Variants in AFF1 observed in about 807,000 individuals in gnomAD.
The protein encoded by AFF1 is ALF transcription elongation factor 1, also known as AF4/FMR2 family member 1.
A neutral mutation model predicts 121.7 loss-of-function variants in AFF1; 48 were observed. The ratio of observed to expected loss-of-function variants is 0.39; its 90% CI spans 0.31 to 0.50. The LOEUF (loss-of-function observed/expected upper bound fraction) is 0.50, where lower values mean the gene tolerates loss of function less well. AFF1 is among the 20% of genes least tolerant of loss of function. AFF1 has a pLI of 0.76. For missense variants in AFF1, 1,523 were observed against 1,511.7 expected (o/e 1.01, Z -0.12); for synonymous variants, 613 against 563.0 (o/e 1.09, Z -1.26).
chr4:86,947,553 A>T lies in AFF1; in HGVS notation c.-36-945A>T, dbSNP rs550965116. 1.0e-3 allele frequency among the ~76,000 whole-genome samples: 159 copies of T among 152,348 alleles called. 2 individuals are homozygous for T. Among genetic ancestry groups the T allele is most frequent in the Non-Finnish European group, 2.5e-4 (17 of 68,026 alleles). ...CAGTCTGTACTAAGATAATTTAGTA[A>T]CATACCTTTCTTTGCCTTAAGGATG... On this transcript the variant is annotated intron_variant, in intron 1 of 20. Coordinates refer to ENST00000395146, the MANE Select transcript of AFF1 (RefSeq NM_001166693.3).
chr4:87,051,197 T>C (rs1342393740), intron 4 of AFF1, among the ~76,000 whole-genome samples: 2 of 152,164 alleles, frequency 1.3e-5, no homozygotes, highest in Non-Finnish European at 2.9e-5. Flanking sequence ...GTAGTTAATA[T>C]CAGAGCCAGA....
At chr4:87,084,234 C>G (rs372952591) in intron 5 of AFF1, 70 bp downstream of exon 5, 262 of 1,523,288 alleles carry the variant, frequency 1.7e-4, no homozygotes, top group Non-Finnish European at 2.3e-4. Flanking sequence ...CATTTACTTT[C>G]ACTTTAAAGA....
intron 5 of AFF1, among the ~76,000 whole-genome samples, chr4:87,084,601 TAAA>T (rs908689990): frequency 2.1e-4 from 23 of 112,176 alleles, no homozygotes; most frequent in African/African-American, 3.8e-4. Context: ...AATAAATAAA[TAAA>T]AAATAAAGAA....
At chr4:87,060,414 T>C (rs1010050111) in intron 4 of AFF1, among the ~76,000 whole-genome samples, 2 of 152,100 alleles carry the variant, frequency 1.3e-5, no homozygotes, top group African/African-American at 4.8e-5. Context: ...GCTGTTAATC[T>C]AGAAAAGGAT....
At chr4:87,042,340 A>G (rs1730244746) in intron 2 of AFF1, among the ~76,000 whole-genome samples, 1 of 152,236 alleles carries the variant, frequency 6.6e-6, no homozygotes, top group Admixed American at 6.5e-5. Context: ...TGTGACTGGC[A>G]AAACAATTTA....
intron 20 of AFF1, among the ~76,000 whole-genome samples, chr4:87,135,154 T>C (rs556844577): frequency 6.6e-6 from 1 of 152,338 alleles, no homozygotes; most frequent in South Asian, 2.1e-4. Flanking sequence ...GTAAACATTA[T>C]TGAGACTTGT....
intron 2 of AFF1, among the ~76,000 whole-genome samples, chr4:87,042,157 A>G (rs1730230185): frequency 6.6e-6 from 1 of 152,194 alleles, no homozygotes; most frequent in South Asian, 2.1e-4. Context: ...TAGGCTCAAC[A>G]AAGGTTTACT....
intron 2 of AFF1, chr4:87,020,926 T>C (rs765044563): frequency 1.0e-5 from 8 of 793,006 alleles, no homozygotes; most frequent in Non-Finnish European, 1.2e-5. Flanking sequence ...ATGTGTATCT[T>C]TTAATATATT....
intron 2 of AFF1, among the ~76,000 whole-genome samples, chr4:86,988,653 G>A (rs1724477012): frequency 6.6e-6 from 1 of 152,142 alleles, no homozygotes; most frequent in Non-Finnish European, 1.5e-5. Flanking sequence ...TCCCCATCAA[G>A]CTACCATCAG....
chr4:87,091,667 T>A, intron 6 of AFF1, 126 bp from the exon 7 acceptor site: 1 of 652,108 alleles, frequency 1.5e-6, no homozygotes, highest in East Asian at 3.0e-5. Context: ...CTACACTGTT[T>A]CCATTTTTCT....
chr4:87,108,030 A>C (rs1250605129), intron 10 of AFF1, 129 bp from the exon 11 acceptor site: 4 of 936,262 alleles, frequency 4.3e-6, no homozygotes, highest in Non-Finnish European at 6.1e-6. Context: ...CAGTTGGATG[A>C]CATGATAGTT....
At position 86,950,182 on chromosome 4, in the gene AFF1, A is replaced by G. The variant is rs1721204795; in HGVS notation, c.38+1611A>G. 8 of 1,409,742 alleles carry G rather than the reference A, an allele frequency of 5.7e-6. No homozygotes were observed. The South Asian group carries it at 5.8e-5, about 10-fold the overall frequency. 87.3% of individuals were successfully genotyped at this position (1,409,742 alleles called of 1,614,324 possible). A position where few individuals can be genotyped will look rare whatever the true frequency, so the allele number is the denominator to read the frequency against. On this transcript the variant is annotated intron_variant, in intron 2 of 20. Coordinates refer to ENST00000395146, the MANE Select transcript of AFF1 (RefSeq NM_001166693.3). ...TGCTGCCCATGTCTCATCCCGAGGT[A>G]TTATTATTTTTTTAAGACAAAGTTT...
intron 4 of AFF1, among the ~76,000 whole-genome samples, chr4:87,060,844 AAAAAAAAAAAAAAAAAAAAAAAACAC>A (rs1294180621): frequency 5.2e-5 from 1 of 19,120 alleles, no homozygotes; most frequent in Non-Finnish European, 9.5e-5. Context: ...TCAAAAAAAA[AAAAAAAAAAAAAAAAAAAAAAAACAC>A]AAAAAAACAA....
chr4:87,014,687 A>C (rs912139645), intron 2 of AFF1, among the ~76,000 whole-genome samples: 6 of 152,336 alleles, frequency 3.9e-5, no homozygotes, highest in Admixed American at 2.0e-4. Context: ...GATTTGGTGC[A>C]TATGTTTTTG....
At chr4:87,063,943 T>A (rs1578174840) in intron 4 of AFF1, among the ~76,000 whole-genome samples, 1 of 152,240 alleles carries the variant, frequency 6.6e-6, no homozygotes, top group African/African-American at 2.4e-5. Context: ...TGCTGGTGTT[T>A]CACAGTTGTT....
intron 1 of AFF1, among the ~76,000 whole-genome samples, chr4:86,941,453 G>C (rs918156419): frequency 6.6e-6 from 1 of 152,160 alleles, no homozygotes; most frequent in African/African-American, 2.4e-5. Flanking sequence ...GAAGTCAGGA[G>C]TTCGAGTTGA....
intron 8 of AFF1, among the ~76,000 whole-genome samples, chr4:87,097,822 A>G (rs1018109047): frequency 6.6e-6 from 1 of 152,200 alleles, no homozygotes; most frequent in Non-Finnish European, 1.5e-5. Context: ...TGGAGATTAG[A>G]AGAAAGTGGT....
rs762863728 is a variant in AFF1, at chr4:87,131,226, G to T, written c.3101+7G>T. Reference sequence around the variant, plus strand: ...AAACTGTAGATCTCATTAAGTAAGTGCCGAGTCATTGTGCTTTCCTCTTAA... The same window carrying T: ...AAACTGTAGATCTCATTAAGTAAGTTCCGAGTCATTGTGCTTTCCTCTTAA... On this transcript the variant is annotated splice_region_variant and intron_variant, in intron 17 of 20. Transcript: ENST00000395146. The T allele has an allele frequency of 6.2e-7, 1 of 1,613,756 alleles. No individual in the cohort carries two copies. The highest frequency in any genetic ancestry group is 8.5e-7 in the Non-Finnish European group (1 of 1,179,900).
chr4:87,020,169 A>G (rs1275881993), intron 2 of AFF1, among the ~76,000 whole-genome samples: 1 of 152,244 alleles, frequency 6.6e-6, no homozygotes, highest in African/African-American at 2.4e-5. Flanking sequence ...ATTTAATTAC[A>G]TAAAGTTGCT....
Sources: gnomAD v4.1 joint callset for allele counts (sites outside exome capture counted in the v4.1 genomes callset) on GRCh38, gnomAD v4.1.1 for gene constraint, MANE v1.5 for transcripts, NCBI Gene and HGNC (gene_info 2026-07-23, HGNC 2026-07-21) for gene names.